The following ZNF131 variants were observed in gnomAD, a reference collection of about 807,000 sequenced individuals.
ZNF131 encodes the protein zinc finger protein 131.
Under a neutral mutation model 60.0 loss-of-function variants are expected in ZNF131, and 7 were observed. The observed-to-expected ratio is 0.12, with a 90% CI of 0.07 to 0.22. ZNF131 has a LOEUF of 0.22. Among genes scored for constraint, ZNF131 ranks in the 10% least tolerant of loss-of-function variants. The pLI is 1.00. For synonymous variants in ZNF131, 257 were observed against 253.2 expected (o/e 1.01, Z -0.14); for missense variants, 493 against 740.9 (o/e 0.67, Z 3.88).
intron 5 of ZNF131, among the ~76,000 whole-genome samples, chr5:43,172,793 C>T (rs182552520): frequency 2.0e-5 from 3 of 152,236 alleles, no homozygotes; most frequent in East Asian, 3.9e-4. Flanking sequence ...TACTGCAATA[C>T]ATATTCCATC....
At chr5:43,163,004 C>T (rs191858449) in intron 5 of ZNF131, among the ~76,000 whole-genome samples, 1,398 of 91,710 alleles carry the variant, frequency 0.015, 10 homozygotes, top group Middle Eastern at 0.052. Flanking sequence ...TGGAGTCTCG[C>T]TCTGTTGCCC....
intron 3 of ZNF131, chr5:43,123,794 ATGAAC>A (rs1465712594): frequency 6.6e-6 from 1 of 152,556 alleles, no homozygotes; most frequent in Non-Finnish European, 1.5e-5. Flanking sequence ...GCTAGGAAAA[ATGAAC>A]TGAAGTAGCA....
chr5:43,160,406 G>GGGA (rs995191118), intron 4 of ZNF131, among the ~76,000 whole-genome samples: 13 of 146,436 alleles, frequency 8.9e-5, no homozygotes, highest in East Asian at 2.1e-4. Context: ...AGGCTGAGGT[G>GGGA]GGAGGATCAC....
At chr5:43,148,469 T>G (rs568173664) in intron 4 of ZNF131, among the ~76,000 whole-genome samples, 3 of 152,176 alleles carry the variant, frequency 2.0e-5, no homozygotes, top group Non-Finnish European at 4.4e-5. Flanking sequence ...TTGTCAAGGG[T>G]TTTTTAAACT....
chr5:43,159,674 C>A (rs1452370223), intron 4 of ZNF131, among the ~76,000 whole-genome samples: 6 of 127,208 alleles, frequency 4.7e-5, no homozygotes, highest in African/African-American at 1.5e-4. Flanking sequence ...CAGCCTGGGC[C>A]ACAAGAGAGA....
At chr5:43,123,503 G>A (rs1246066652) in intron 3 of ZNF131, 193 bp downstream of exon 3, 1 of 426,050 alleles carries the variant, frequency 2.3e-6, no homozygotes, top group East Asian at 3.8e-5. Context: ...TACCTGAGAA[G>A]TCTTACTTTC....
intron 5 of ZNF131, among the ~76,000 whole-genome samples, chr5:43,171,987 C>T (rs1258521059): frequency 1.3e-5 from 2 of 152,194 alleles, no homozygotes; most frequent in East Asian, 3.9e-4. Flanking sequence ...TCAAGCAATC[C>T]TTCTGCCTTG....
chr5:43,165,198 T>C (rs1750199062), intron 5 of ZNF131, among the ~76,000 whole-genome samples: 1 of 151,134 alleles, frequency 6.6e-6, no homozygotes, highest in African/African-American at 2.4e-5. Flanking sequence ...TGCTTGGCCC[T>C]GTATTTCTTT....
At chr5:43,158,143 T>A (rs1749185385) in intron 4 of ZNF131, among the ~76,000 whole-genome samples, 1 of 152,070 alleles carries the variant, frequency 6.6e-6, no homozygotes, top group Non-Finnish European at 1.5e-5. Context: ...TGATTTTGTA[T>A]TTTTAGTAGA....
chr5:43,163,058 G>A (rs866907986), intron 5 of ZNF131, among the ~76,000 whole-genome samples: 32 of 125,748 alleles, frequency 2.5e-4, no homozygotes, highest in Middle Eastern at 5.6e-3. Flanking sequence ...TGTAACCTCC[G>A]CCTCCCGGGT....
At chr5:43,160,997 C>T (rs904380627) in intron 4 of ZNF131, among the ~76,000 whole-genome samples, 2 of 152,004 alleles carry the variant, frequency 1.3e-5, no homozygotes, top group Non-Finnish European at 2.9e-5. Context: ...TTTTTTTCCC[C>T]CATAAAAATC....
At chr5:43,164,794 A>T (rs575393658) in intron 5 of ZNF131, among the ~76,000 whole-genome samples, 2 of 152,322 alleles carry the variant, frequency 1.3e-5, no homozygotes, top group South Asian at 4.1e-4. Flanking sequence ...TGAGATAAGT[A>T]ATTTAAGTAG....
At chr5:43,121,591 CG>C (rs924288166) in intron 1 of ZNF131, 254 of 150,672 alleles carry the variant, frequency 1.7e-3, no homozygotes, top group Non-Finnish European at 2.8e-3. Context: ...CCGGTCGGGG[CG>C]GGGGAGAAGA....
chr5:43,172,609 A>T (rs1205339133), intron 5 of ZNF131, among the ~76,000 whole-genome samples: 1 of 142,164 alleles, frequency 7.0e-6, no homozygotes, highest in Non-Finnish European at 1.6e-5. Flanking sequence ...GTGACAGAGT[A>T]AGACTCTCAA....
chr5:43,155,120 G>A (rs995073945), intron 4 of ZNF131, among the ~76,000 whole-genome samples: 1 of 152,128 alleles, frequency 6.6e-6, no homozygotes, highest in African/African-American at 2.4e-5. Context: ...AGTTAATTAA[G>A]GGCTCCATTA....
In ZNF131 at chr5:43,150,461, C is replaced by A. The variant is rs573766956; in HGVS notation, c.372-10788C>A. ...TACTGAATTTTCCCCATAAGTACAG[C>A]ACTTCTTTAGCCGCTCTGATTAATC... On this transcript the variant is annotated intron_variant, in intron 4 of 6. Coordinates refer to ENST00000682664, the MANE Select transcript of ZNF131 (RefSeq NM_001330707.2). Among the ~76,000 whole-genome samples, 6 of 152,266 alleles carry A rather than the reference C, an allele frequency of 3.9e-5. No homozygotes were observed. In the South Asian group the frequency reaches 1.2e-3, roughly 32 times the overall value.
intron 5 of ZNF131, among the ~76,000 whole-genome samples, chr5:43,171,270 G>T (rs1043424313): frequency 4.6e-5 from 7 of 152,078 alleles, no homozygotes; most frequent in Admixed American, 3.9e-4. Context: ...TTTTATTCTA[G>T]AGAAAGAGGT....
At chr5:43,147,886 C>G (rs1231220919) in intron 4 of ZNF131, among the ~76,000 whole-genome samples, 10 of 150,918 alleles carry the variant, frequency 6.6e-5, no homozygotes, top group Non-Finnish European at 1.5e-4. Context: ...AAACCCACCT[C>G]TACTAAAAAT....
intron 3 of ZNF131, among the ~76,000 whole-genome samples, chr5:43,128,676 A>C (rs1446907440): frequency 8.0e-5 from 12 of 150,842 alleles, no homozygotes; most frequent in East Asian, 3.9e-4. Context: ...AAAAAAAAAA[A>C]ACACACCTGG....
Sources: gnomAD v4.1 joint callset for allele counts (sites outside exome capture counted in the v4.1 genomes callset) on GRCh38, gnomAD v4.1.1 for gene constraint, MANE v1.5 for transcripts, NCBI Gene and HGNC (gene_info 2026-07-23, HGNC 2026-07-21) for gene names.